Variants in AKR1B10 observed in about 807,000 individuals in gnomAD.
AKR1B10 encodes the protein ARP.
AKR1B10 carries 39 observed loss-of-function variants against 38.9 expected under a neutral mutation model. The ratio of observed to expected loss-of-function variants is 1.00; its 90% CI spans 0.78 to 1.31. AKR1B10 has a LOEUF of 1.31. AKR1B10 is among the 50% of genes most tolerant of loss of function. The pLI is 0.00. For synonymous variants in AKR1B10, 148 were observed against 141.2 expected, an observed-to-expected ratio of 1.05 and a Z score of -0.34; for missense variants, 361 against 382.6, an observed-to-expected ratio of 0.94 and a Z score of 0.47.
chr7:134,527,977 G>T lies in AKR1B10; in HGVS notation c.66G>T (p.Lys22Asn), dbSNP rs749890611. 6.2e-7 allele frequency: 1 copy of T among 1,614,040 alleles called. No homozygotes were observed. The highest frequency in any genetic ancestry group is 8.5e-7 in the Non-Finnish European group (1 of 1,179,926). ...KMPIVGLGTW[K>N]SPLGKVKEAV... The stretch of plus-strand genomic sequence containing the variant: ...CCATTGTGGGCCTGGGCACTTGGAA[G>T]GTAAATATGCAAATCTTTGCACACC... Residue 22 changes from lysine (K) to asparagine (N), a missense_variant and splice_region_variant, in exon 1 of 10, where the codon AAG (lysine) becomes AAT (asparagine). By Grantham distance (94) the Lys-to-Asn change is moderately conservative. This residue lies in a region of AKR1B10 where 220 missense variants were observed against 216.1 expected (regional missense o/e 1.02). Transcript: ENST00000359579.
intron 1 of AKR1B10, among the ~76,000 whole-genome samples, chr7:134,528,511 C>T (rs1317273589): frequency 1.3e-5 from 2 of 152,098 alleles, no homozygotes; most frequent in East Asian, 3.9e-4. Flanking sequence ...GTTGCTTGAG[C>T]CCAGGAGTTG....
In AKR1B10 at chr7:134,530,687, T is replaced by G. The variant is rs892344383; in HGVS notation, c.111T>G (p.Asp37Glu). Residue 37 changes from aspartate to glutamate, a missense_variant, in exon 2 of 10, where the codon GAT (aspartate) becomes GAG (glutamate). By Grantham distance (45) the Asp-to-Glu change is conservative. Coordinates refer to ENST00000359579, the MANE Select transcript of AKR1B10 (RefSeq NM_020299.5). ...KVKEAVKVAI[D>E]AGYRHIDCAY... ...AAGAAGCAGTGAAGGTGGCCATTGATGCAGGATATCGGCACATTGACTGTG... is the reference window on the plus strand; with the variant it reads ...AAGAAGCAGTGAAGGTGGCCATTGAGGCAGGATATCGGCACATTGACTGTG... 4 of 1,614,118 alleles carry G rather than the reference T, an allele frequency of 2.5e-6. No individual in the cohort carries two copies. Among genetic ancestry groups the G allele is most frequent in the Non-Finnish European group, 2.5e-6 (3 of 1,179,974 alleles).
intron 1 of AKR1B10, 110 bp downstream of exon 1, chr7:134,528,087 T>A: frequency 7.2e-7 from 1 of 1,391,636 alleles, no homozygotes; most frequent in Non-Finnish European, 1.0e-6. Context: ...GTTGGAGAGG[T>A]AAGATTCAGC....
chr7:134,531,797 A>G, intron 2 of AKR1B10, 111 bp from the exon 3 acceptor site: 2 of 1,229,404 alleles, frequency 1.6e-6, no homozygotes, highest in Non-Finnish European at 2.4e-6. Context: ...CTTTGTTACA[A>G]ATGGCTTGTG....
At chr7:134,534,503 C>G (rs1222895708) in intron 4 of AKR1B10, among the ~76,000 whole-genome samples, 1 of 152,216 alleles carries the variant, frequency 6.6e-6, no homozygotes, top group African/African-American at 2.4e-5. Context: ...ATGTAGCCTG[C>G]TTCTCGCAGT....
At chr7:134,535,313 A>T (rs1360854703) in intron 4 of AKR1B10, among the ~76,000 whole-genome samples, 1 of 152,116 alleles carries the variant, frequency 6.6e-6, no homozygotes. Flanking sequence ...GCTAAGGCCT[A>T]CAAGAGTTAA....
Position 134,527,944 on chromosome 7 carries a change from C to G in AKR1B10, c.33C>G (p.Ala11=), listed in dbSNP as rs1807731071. MATFVELSTK[A]KMPIVGLGTW... is the part of the protein sequence containing the mutation. ...CGTTTGTGGAGCTCAGTACCAAAGCCAAGATGCCCATTGTGGGCCTGGGCA... is the reference window on the plus strand; with the variant it reads ...CGTTTGTGGAGCTCAGTACCAAAGCGAAGATGCCCATTGTGGGCCTGGGCA... Residue 11 remains alanine (A), a synonymous_variant, in exon 1 of 10, where the codon GCC becomes GCG. Transcript: ENST00000359579. The G allele has an allele frequency of 6.2e-7, 1 of 1,613,926 alleles. No individual in the cohort carries two copies. The highest frequency in any genetic ancestry group is 2.2e-5 in the East Asian group (1 of 44,852).
At chr7:134,528,817 G>A (rs140623858) in intron 1 of AKR1B10, among the ~76,000 whole-genome samples, 70 of 152,252 alleles carry the variant, frequency 4.6e-4, no homozygotes, top group African/African-American at 1.5e-3. Context: ...TACCTAATGG[G>A]CATCTGCACT....
chr7:134,530,529 G>T, intron 1 of AKR1B10, 114 bp from the exon 2 acceptor site: 1 of 1,111,018 alleles, frequency 9.0e-7, no homozygotes, highest in Non-Finnish European at 1.3e-6. Flanking sequence ...CCAGCTACTC[G>T]GGAGGTGGGA....
At chr7:134,534,336 G>T (rs766921939) in intron 4 of AKR1B10, among the ~76,000 whole-genome samples, 7 of 152,068 alleles carry the variant, frequency 4.6e-5, no homozygotes, top group Non-Finnish European at 7.4e-5. Context: ...TGGCCAGTCT[G>T]GTCTCGAAGT....
chr7:134,536,601 C>T (rs761898249), intron 4 of AKR1B10, 49 bp from the exon 5 acceptor site: 9 of 1,592,742 alleles, frequency 5.7e-6, no homozygotes, highest in Non-Finnish European at 7.7e-6. Flanking sequence ...AAGCCAGGGT[C>T]CCTGTAGTCC....
rs1292897694 is a variant in AKR1B10 at position 134,533,098 on chromosome 7, C to G, written c.429+17C>G. ...GCCTGGGAGGTAGGTTCCCAGCTTC[C>G]TCTAAGTGTGCTGGGAGAGAAATCT... On this transcript the variant is annotated intron_variant, in intron 4 of 9. Coordinates refer to ENST00000359579, the MANE Select transcript of AKR1B10 (RefSeq NM_020299.5). 77 of 1,577,036 alleles carry G rather than the reference C, an allele frequency of 4.9e-5. No homozygotes were observed. Among genetic ancestry groups the G allele is most frequent in the African/African-American group, 1.4e-5 (1 of 72,814 alleles).
intron 9 of AKR1B10, 98 bp downstream of exon 9, chr7:134,539,115 G>A: frequency 6.9e-7 from 1 of 1,452,116 alleles, no homozygotes; most frequent in Non-Finnish European, 9.5e-7. Context: ...GACTACTTGT[G>A]TCTTCAAATA....
chr7:134,530,917 T>A, intron 2 of AKR1B10, 107 bp downstream of exon 2: 1 of 1,413,210 alleles, frequency 7.1e-7, no homozygotes, highest in South Asian at 1.4e-5. Flanking sequence ...GTACCCCTTT[T>A]CATCTCTGCC....
At chr7:134,529,171 C>G (rs1807780669) in intron 1 of AKR1B10, among the ~76,000 whole-genome samples, 1 of 152,174 alleles carries the variant, frequency 6.6e-6, no homozygotes, top group Non-Finnish European at 1.5e-5. Context: ...CTCTTTCCTT[C>G]TGTGCACCCT....
At chr7:134,532,463 G>A (rs1288041919) in intron 3 of AKR1B10, among the ~76,000 whole-genome samples, 1 of 152,104 alleles carries the variant, frequency 6.6e-6, no homozygotes, top group East Asian at 1.9e-4. Context: ...GGTGATGCTG[G>A]AAGGAAGCCA....
At chr7:134,538,341 A>G (rs1808067595) in intron 8 of AKR1B10, 64 bp downstream of exon 8, 1 of 1,469,894 alleles carries the variant, frequency 6.8e-7, no homozygotes. Context: ...AGACCTTCTC[A>G]CTAGGCTTCT....
intron 4 of AKR1B10, among the ~76,000 whole-genome samples, chr7:134,536,382 T>C (rs1449616760): frequency 3.9e-5 from 6 of 152,212 alleles, no homozygotes; most frequent in Admixed American, 3.9e-4. Flanking sequence ...TAATTTTTTA[T>C]GTGTTTCTTC....
rs375476080 is a variant in AKR1B10, at chr7:134,537,711, T to G, written c.741+50T>G. The G allele has an allele frequency of 6.4e-5, 102 of 1,599,470 alleles. 2 individuals carry two copies. Among genetic ancestry groups the G allele is most frequent in the Middle Eastern group, 1.7e-4 (1 of 6,050 alleles). ...TATCCAACAACTCATTCTTCCAGTC[T>G]CGTGTTTCATATCCTGTGTTGTCCT... On this transcript the variant is annotated intron_variant, in intron 7 of 9. Transcript: ENST00000359579.
Sources: gnomAD v4.1 joint callset for allele counts (sites outside exome capture counted in the v4.1 genomes callset) on GRCh38, gnomAD v4.1.1 for gene constraint, gnomAD v4.1.1 regional missense constraint, MANE v1.5 for transcripts, NCBI Gene and HGNC (gene_info 2026-07-23, HGNC 2026-07-21) for gene names.